The following ZNF334 variants were observed in gnomAD, a reference collection of about 807,000 sequenced individuals.
The protein encoded by ZNF334 is zinc finger protein 334.
In ZNF334, 14 loss-of-function variants were observed where a neutral mutation model predicts 12.4. The observed-to-expected ratio is 1.13, with a 90% CI of 0.74 to 1.76. The LOEUF is 1.76. Ranked by LOEUF, ZNF334 falls within the 40% of genes most tolerant of loss-of-function variation. The pLI is 0.00. For missense variants in ZNF334, 797 were observed against 804.5 expected, an observed-to-expected ratio of 0.99 and a Z score of 0.11; for synonymous variants, 273 against 269.6, an observed-to-expected ratio of 1.01 and a Z score of -0.12.
Position 46,501,766 on chromosome 20 carries a change from C to G in ZNF334, c.1573G>C (p.Ala525Pro). Residue 525 changes from alanine (A) to proline (P), a missense_variant, in exon 5 of 5, where the codon GCC becomes CCC. Coordinates refer to ENST00000692313, the MANE Select transcript of ZNF334 (RefSeq NM_001353824.2). ...ATGAGGTGTGAGTTTTTGCTGACGG[C>G]ATGCCCATGTTCACTACACTCATAA... ...NLYECSEHGH[A>P]VSKNSHLIVH... The G allele has an allele frequency of 3.7e-6, 6 of 1,614,154 alleles. No homozygotes were observed. The highest frequency in any genetic ancestry group is 5.1e-6 in the Non-Finnish European group (6 of 1,180,016).
At chr20:46,473,048 C>T in the ZNF334 span, among the ~76,000 whole-genome samples, 3 of 152,192 alleles carry the variant, frequency 2.0e-5, no homozygotes, top group Non-Finnish European at 4.4e-5. Flanking sequence ...CTATCTCTTT[C>T]TGCATCAGTT....
chr20:46,480,181 A>AGTTT, the ZNF334 span, among the ~76,000 whole-genome samples: 208 of 152,200 alleles, frequency 1.4e-3, no homozygotes, highest in African/African-American at 4.6e-3. Flanking sequence ...TATTTTACAG[A>AGTTT]GTTTGGGTTT....
the ZNF334 span, among the ~76,000 whole-genome samples, chr20:46,493,213 G>C: frequency 6.6e-6 from 1 of 152,164 alleles, no homozygotes; most frequent in Non-Finnish European, 1.5e-5. Context: ...TCATTTTGCT[G>C]TTTGTCCATA....
the ZNF334 span, among the ~76,000 whole-genome samples, chr20:46,470,186 A>G: frequency 1.3e-5 from 2 of 152,334 alleles, no homozygotes; most frequent in East Asian, 1.9e-4. Flanking sequence ...AAGGCCCTAC[A>G]ATAATTTTTA....
the ZNF334 span, among the ~76,000 whole-genome samples, chr20:46,468,752 C>T: frequency 1.1e-4 from 17 of 152,110 alleles, no homozygotes; most frequent in South Asian, 2.1e-4. Flanking sequence ...GTGGGCATGT[C>T]TTATGGAGAG....
chr20:46,506,429 C>A, intron 2 of ZNF334: 2 of 456,120 alleles, frequency 4.4e-6, no homozygotes, highest in South Asian at 4.4e-5. Context: ...AGCTCAAGAT[C>A]AGTCTGGGCA....
At chr20:46,510,068 A>G (rs981383855) in intron 2 of ZNF334, among the ~76,000 whole-genome samples, 3 of 152,226 alleles carry the variant, frequency 2.0e-5, no homozygotes, top group South Asian at 4.1e-4. Flanking sequence ...TGAAAGGTCC[A>G]GAGTGGTAGG....
chr20:46,481,899 T>C, the ZNF334 span, among the ~76,000 whole-genome samples: 1 of 152,176 alleles, frequency 6.6e-6, no homozygotes, highest in Admixed American at 6.5e-5. Context: ...GCTGTGAATG[T>C]GTTACCTTAC....
At chr20:46,479,661 G>A in the ZNF334 span, among the ~76,000 whole-genome samples, 5 of 152,190 alleles carry the variant, frequency 3.3e-5, no homozygotes, top group Non-Finnish European at 7.4e-5. Flanking sequence ...GCTGTCTTGT[G>A]TGGGGAAAAT....
the ZNF334 span, among the ~76,000 whole-genome samples, chr20:46,470,686 C>G: frequency 2.0e-5 from 3 of 152,214 alleles, no homozygotes; most frequent in Admixed American, 6.5e-5. Context: ...TGTAAACACT[C>G]TATTTTAGCT....
chr20:46,476,327 T>C, the ZNF334 span: 34 of 152,244 alleles, frequency 2.2e-4, no homozygotes, highest in Admixed American at 1.3e-3. Context: ...GACAGTGTTC[T>C]GTAACATGAC....
chr20:46,466,532 T>A, the ZNF334 span, among the ~76,000 whole-genome samples: 1 of 152,194 alleles, frequency 6.6e-6, no homozygotes, highest in African/African-American at 2.4e-5. Flanking sequence ...TGCCCAGACT[T>A]GAGTGCAGTT....
the ZNF334 span, among the ~76,000 whole-genome samples, chr20:46,467,902 G>A: frequency 6.6e-6 from 1 of 152,182 alleles, no homozygotes; most frequent in Non-Finnish European, 1.5e-5. Flanking sequence ...TAGTAGTCAT[G>A]GATTTGATTG....
At chr20:46,508,356 C>G (rs1269222302) in intron 2 of ZNF334, among the ~76,000 whole-genome samples, 2 of 152,128 alleles carry the variant, frequency 1.3e-5, no homozygotes, top group African/African-American at 4.8e-5. Flanking sequence ...ATGACCAGAC[C>G]CTACATGTAA....
chr20:46,468,522 T>G, the ZNF334 span, among the ~76,000 whole-genome samples: 3 of 151,558 alleles, frequency 2.0e-5, no homozygotes, highest in South Asian at 6.2e-4. Context: ...TGACCTCAGG[T>G]GATTCACCCG....
downstream of ZNF334, among the ~76,000 whole-genome samples, chr20:46,495,669 A>C (rs1162435796): frequency 6.6e-6 from 1 of 152,160 alleles, no homozygotes; most frequent in Non-Finnish European, 1.5e-5. Flanking sequence ...CAATATGAGG[A>C]TTCTGCCACT....
chr20:46,504,552 A>T, intron 3 of ZNF334, 62 bp downstream of exon 3: 1 of 1,521,818 alleles, frequency 6.6e-7, no homozygotes, highest in Non-Finnish European at 8.8e-7. Context: ...AGAAATCAAC[A>T]TGTTTTTGTA....
the ZNF334 span, chr20:46,464,232 C>A: frequency 3.7e-6 from 2 of 537,774 alleles, no homozygotes; most frequent in South Asian, 3.0e-5. Flanking sequence ...CCTGGCTGCT[C>A]ATTGCCTCCT....
chr20:46,482,749 T>C, the ZNF334 span, among the ~76,000 whole-genome samples: 1 of 152,198 alleles, frequency 6.6e-6, no homozygotes, highest in Non-Finnish European at 1.5e-5. Context: ...GGAATATGTC[T>C]ATATTCTGTA....
Sources: gnomAD v4.1 joint callset for allele counts (sites outside exome capture counted in the v4.1 genomes callset) on GRCh38, gnomAD v4.1.1 for gene constraint, MANE v1.5 for transcripts, NCBI Gene and HGNC (gene_info 2026-07-23, HGNC 2026-07-21) for gene names.